SRRM4: variants seen among roughly 807,000 people sequenced by gnomAD.
SRRM4 encodes the protein serine/arginine repetitive matrix protein 4.
SRRM4 carries 33 observed loss-of-function variants against 68.9 expected under a neutral mutation model. That is an observed-to-expected ratio of 0.48 (90% CI 0.36 to 0.64). The LOEUF is 0.64. SRRM4 is among the 30% of genes least tolerant of loss of function. The probability of loss-of-function intolerance (pLI) is 0.00; values close to 1 mark genes in which losing one functional copy is unlikely to be tolerated. For missense variants in SRRM4, 817 were observed against 827.1 expected (o/e 0.99, Z 0.15); for synonymous variants, 318 against 318.8 (o/e 1.00, Z 0.03).
chr12:119,153,510 C>T (rs1431947970), intron 10 of SRRM4, 29 bp from the exon 11 acceptor site: 1 of 1,456,626 alleles, frequency 6.9e-7, no homozygotes. Context: ...ACTCAGCAGG[C>T]TCCTCAGAGG....
intron 1 of SRRM4, among the ~76,000 whole-genome samples, chr12:119,034,208 G>T (rs1002408538): frequency 6.6e-6 from 1 of 152,198 alleles, no homozygotes; most frequent in Non-Finnish European, 1.5e-5. Flanking sequence ...TTTTCAAGTT[G>T]TCTGGAGCTG....
chr12:119,023,706 G>T (rs966762305), intron 1 of SRRM4, among the ~76,000 whole-genome samples: 5 of 152,114 alleles, frequency 3.3e-5, no homozygotes, highest in Admixed American at 1.3e-4. Flanking sequence ...TGCTATCCAA[G>T]GTCTTGAATG....
chr12:119,032,917 A>G (rs6490228), intron 1 of SRRM4, among the ~76,000 whole-genome samples: 45,702 of 152,052 alleles, frequency 0.3, 7,220 homozygotes, highest in Non-Finnish European at 0.35. Flanking sequence ...TTATCAGCTA[A>G]AAGTTATAAT....
chr12:118,981,850 C>T lies in SRRM4; in HGVS notation c.-33C>T. The T allele has an allele frequency of 6.2e-7, 1 of 1,603,116 alleles. No individual in the cohort carries two copies. Among genetic ancestry groups the T allele is most frequent in the South Asian group, 1.1e-5 (1 of 88,940 alleles). ...ATCCACGTTTCAGCACTTTGGACAGCGCCCCGGACGCCCCGGCCCCTTTGG... is the reference window on the plus strand; with the variant it reads ...ATCCACGTTTCAGCACTTTGGACAGTGCCCCGGACGCCCCGGCCCCTTTGG... On this transcript the variant is annotated 5_prime_UTR_variant, in exon 1 of 13. Coordinates refer to ENST00000267260, the MANE Select transcript of SRRM4 (RefSeq NM_194286.4).
intron 1 of SRRM4, among the ~76,000 whole-genome samples, chr12:118,997,152 A>T (rs1490169598): frequency 6.6e-6 from 1 of 152,242 alleles, no homozygotes; most frequent in African/African-American, 2.4e-5. Context: ...CCACAGCTCA[A>T]CTCAAAGATG....
In SRRM4 at chr12:119,123,379, C is replaced by T. The variant is rs527646359; in HGVS notation, c.515+1259C>T. Among the ~76,000 whole-genome samples the T allele has an allele frequency of 2.6e-5, 4 of 152,216 alleles. No homozygotes were observed. In the East Asian group the frequency reaches 7.8e-4, roughly 30 times the overall value. ...TTATTGGCCACGTGTATTGAATGTGCTTTCACACTAAGCACAGATAGAGTA... is the reference window on the plus strand; with the variant it reads ...TTATTGGCCACGTGTATTGAATGTGTTTTCACACTAAGCACAGATAGAGTA... On this transcript the variant is annotated intron_variant, in intron 6 of 12. Transcript: ENST00000267260.
intron 1 of SRRM4, among the ~76,000 whole-genome samples, chr12:119,085,579 G>C (rs1053522104): frequency 6.6e-6 from 1 of 152,196 alleles, no homozygotes; most frequent in African/African-American, 2.4e-5. Flanking sequence ...AGTAGGTGAC[G>C]CCAGAAATTG....
chr12:119,036,491 G>A (rs1953628277), intron 1 of SRRM4, among the ~76,000 whole-genome samples: 1 of 152,124 alleles, frequency 6.6e-6, no homozygotes, highest in Non-Finnish European at 1.5e-5. Context: ...CTTTGGCTGT[G>A]AGAGTTTCCC....
chr12:119,043,797 C>CACACACACAT (rs1953686581), intron 1 of SRRM4, among the ~76,000 whole-genome samples: 1 of 151,912 alleles, frequency 6.6e-6, no homozygotes, highest in Non-Finnish European at 1.5e-5. Context: ...CACACACACA[C>CACACACACAT]ACACACACAC....
intron 1 of SRRM4, among the ~76,000 whole-genome samples, chr12:119,041,042 G>T (rs1193472724): frequency 6.6e-6 from 1 of 152,108 alleles, no homozygotes; most frequent in Admixed American, 6.6e-5. Context: ...GAGTCACCAT[G>T]CCTGGTGGTT....
At chr12:119,007,353 A>G (rs1046667334) in intron 1 of SRRM4, among the ~76,000 whole-genome samples, 3 of 152,100 alleles carry the variant, frequency 2.0e-5, no homozygotes, top group Non-Finnish European at 2.9e-5. Flanking sequence ...AGAACAAACA[A>G]ATATTTTGGA....
At chr12:119,094,759 T>C (rs549348427) in intron 1 of SRRM4, among the ~76,000 whole-genome samples, 26 of 152,382 alleles carry the variant, frequency 1.7e-4, no homozygotes, top group African/African-American at 6.2e-4. Flanking sequence ...ATCAGAGAAC[T>C]TCTTATATAC....
In SRRM4 at chr12:118,981,830, C is replaced by T; in HGVS notation, c.-53C>T. 1.0e-5 allele frequency: 16 copies of T among 1,579,348 alleles called. No individual in the cohort carries two copies. The highest frequency in any genetic ancestry group is 1.4e-5 in the Non-Finnish European group (16 of 1,161,636). ...GGGTGTCGCCCCCGTTTGGAATCCA[C>T]GTTTCAGCACTTTGGACAGCGCCCC... On this transcript the variant is annotated 5_prime_UTR_variant, in exon 1 of 13. The change creates a new upstream start codon in the 5' untranslated region. Transcript: ENST00000267260.
At chr12:119,113,605 C>T (rs187386262) in intron 2 of SRRM4, among the ~76,000 whole-genome samples, 1 of 152,252 alleles carries the variant, frequency 6.6e-6, no homozygotes, top group African/African-American at 2.4e-5. Context: ...TGTTCCAATT[C>T]CCAAGCAGTT....
chr12:119,122,660 C>G (rs1340301341), intron 6 of SRRM4, among the ~76,000 whole-genome samples: 1 of 152,078 alleles, frequency 6.6e-6, no homozygotes, highest in Non-Finnish European at 1.5e-5. Context: ...TGTGTCTGTG[C>G]TTGTGTGAGC....
chr12:119,019,176 A>G (rs1953499201), intron 1 of SRRM4, among the ~76,000 whole-genome samples: 1 of 152,212 alleles, frequency 6.6e-6, no homozygotes, highest in Admixed American at 6.5e-5. Context: ...TGTGTAAATC[A>G]ATGTGTCATA....
At chr12:119,016,336 C>T (rs1458311537) in intron 1 of SRRM4, among the ~76,000 whole-genome samples, 3 of 151,900 alleles carry the variant, frequency 2.0e-5, no homozygotes, top group Admixed American at 6.6e-5. Context: ...TGAACACAAT[C>T]CCCCCAGCCC....
chr12:118,989,079 A>C (rs1953300209), intron 1 of SRRM4, among the ~76,000 whole-genome samples: 1 of 152,086 alleles, frequency 6.6e-6, no homozygotes, highest in African/African-American at 2.4e-5. Context: ...CAGAAAACAG[A>C]TCAAGTGGGG....
chr12:119,035,211 A>T (rs959032225), intron 1 of SRRM4, among the ~76,000 whole-genome samples: 1 of 152,100 alleles, frequency 6.6e-6, no homozygotes, highest in East Asian at 1.9e-4. Context: ...GTGGGTCACA[A>T]TTTTTTCCCC....
Sources: gnomAD v4.1 joint callset for allele counts (sites outside exome capture counted in the v4.1 genomes callset) on GRCh38, gnomAD v4.1.1 for gene constraint, MANE v1.5 for transcripts, NCBI Gene and HGNC (gene_info 2026-07-23, HGNC 2026-07-21) for gene names.